Variants in SEMA5B observed in about 807,000 individuals in gnomAD.
SEMA5B encodes semaphorin-5B.
SEMA5B carries 66 observed loss-of-function variants against 135.0 expected under a neutral mutation model. The ratio of observed to expected loss-of-function variants is 0.49; its 90% CI spans 0.40 to 0.60. The LOEUF (loss-of-function observed/expected upper bound fraction) is 0.60, where lower values mean the gene tolerates loss of function less well. Among genes scored for constraint, SEMA5B ranks in the 20% least tolerant of loss-of-function variants. The pLI is 0.00. For synonymous variants in SEMA5B, 690 were observed against 639.5 expected (o/e 1.08, Z -1.19); for missense variants, 1,501 against 1,566.3 (o/e 0.96, Z 0.70).
chr3:122,953,110 A>G (rs368478556), intron 2 of SEMA5B, among the ~76,000 whole-genome samples: 1 of 152,138 alleles, frequency 6.6e-6, no homozygotes, highest in Admixed American at 6.5e-5. Context: ...GGGATACTCA[A>G]TGCATATGCA....
At chr3:123,009,314 C>T (rs2107787795) in intron 1 of SEMA5B, among the ~76,000 whole-genome samples, 1 of 152,132 alleles carries the variant, frequency 6.6e-6, no homozygotes, top group South Asian at 2.1e-4. Flanking sequence ...GTGGGGGTGT[C>T]TTTAGGCGAG....
intron 2 of SEMA5B, among the ~76,000 whole-genome samples, chr3:122,954,614 G>A (rs1576363225): frequency 6.6e-6 from 1 of 152,202 alleles, no homozygotes; most frequent in African/African-American, 2.4e-5. Flanking sequence ...ACAGGGACGT[G>A]CTCTAAGAGG....
chr3:122,963,492 C>CAAAAA (rs71136598), intron 1 of SEMA5B, among the ~76,000 whole-genome samples: 8 of 121,750 alleles, frequency 6.6e-5, no homozygotes, highest in East Asian at 2.4e-4. Flanking sequence ...GTCTCTGACT[C>CAAAAA]AAAAAAAAAA....
At chr3:122,994,486 G>A (rs1035511572) in intron 1 of SEMA5B, among the ~76,000 whole-genome samples, 6 of 152,164 alleles carry the variant, frequency 3.9e-5, no homozygotes, top group African/African-American at 1.2e-4. Context: ...TCCTTCCTAC[G>A]TTTCCCTGCC....
At chr3:122,976,572 A>G (rs1941326828) in intron 1 of SEMA5B, among the ~76,000 whole-genome samples, 1 of 152,160 alleles carries the variant, frequency 6.6e-6, no homozygotes, top group Non-Finnish European at 1.5e-5. Context: ...AACATACAAA[A>G]CAGTTAAAAG....
chr3:122,981,416 C>T (rs1159161659), intron 1 of SEMA5B, among the ~76,000 whole-genome samples: 2 of 152,336 alleles, frequency 1.3e-5, no homozygotes, highest in East Asian at 1.9e-4. Context: ...TCATGTGTGG[C>T]CAGGCGAATT....
At chr3:122,947,067 G>A (rs1036997431) in intron 3 of SEMA5B, among the ~76,000 whole-genome samples, 1 of 151,250 alleles carries the variant, frequency 6.6e-6, no homozygotes, top group African/African-American at 2.4e-5. Flanking sequence ...AGCCAATATT[G>A]CCCCCAACAA....
At position 122,913,993 on chromosome 3, in the gene SEMA5B, G is replaced by A. The variant is rs146618662; in HGVS notation, c.1997C>T (p.Ala666Val). 6.7e-5 allele frequency: 106 copies of A among 1,591,522 alleles called. 1 individual carries two copies. In the African/African-American group the frequency reaches 1.3e-3, roughly 19 times the overall value. Residue 666 changes from alanine to valine, a missense_variant, in exon 15 of 23, where the codon GCG becomes GTG. Transcript: ENST00000357599. ...CGCCCACGATGACCACGGGGTCCAC[G>A]CCCCATTCCTGGCGGGGTGGGAGGG... Reference protein sequence around the residue: ...IHIANCSRNGAWTPWSSWALC... With the variant: ...IHIANCSRNGVWTPWSSWALC...
chr3:123,015,709 C>A (rs1220491879), intron 1 of SEMA5B, among the ~76,000 whole-genome samples: 2 of 152,118 alleles, frequency 1.3e-5, no homozygotes, highest in Non-Finnish European at 2.9e-5. Context: ...GGCATTGTCA[C>A]CCAAAACATC....
At chr3:123,027,198 C>A (rs1942823348) in intron 1 of SEMA5B, 1 of 152,580 alleles carries the variant, frequency 6.6e-6, no homozygotes, top group Non-Finnish European at 1.5e-5. Context: ...CGACCACAGC[C>A]CTGGCAGGGC....
intron 2 of SEMA5B, among the ~76,000 whole-genome samples, chr3:122,957,990 C>T (rs774104313): frequency 1.1e-4 from 17 of 152,226 alleles, no homozygotes; most frequent in Non-Finnish European, 2.1e-4. Context: ...TGACTTCCTG[C>T]TGCACACCAG....
chr3:122,924,974 G>A (rs537652934), intron 9 of SEMA5B, among the ~76,000 whole-genome samples: 18 of 152,210 alleles, frequency 1.2e-4, no homozygotes, highest in African/African-American at 3.1e-4. Context: ...TTGTGACGCC[G>A]CACCCCTACC....
chr3:122,925,122 C>G (rs887664723), intron 9 of SEMA5B, among the ~76,000 whole-genome samples: 2 of 152,180 alleles, frequency 1.3e-5, no homozygotes, highest in African/African-American at 4.8e-5. Flanking sequence ...TTTCCTATAG[C>G]TAGCCTGGCC....
chr3:122,970,647 A>T (rs748181502), intron 1 of SEMA5B, among the ~76,000 whole-genome samples: 8 of 152,250 alleles, frequency 5.3e-5, no homozygotes, highest in Non-Finnish European at 1.0e-4. Flanking sequence ...CATCTATTAA[A>T]TGGCAAATAT....
intron 1 of SEMA5B, among the ~76,000 whole-genome samples, chr3:123,012,242 T>A (rs1210982705): frequency 6.6e-6 from 1 of 152,202 alleles, no homozygotes; most frequent in Non-Finnish European, 1.5e-5. Flanking sequence ...TACATGGTAG[T>A]TGTTATTTGA....
intron 1 of SEMA5B, among the ~76,000 whole-genome samples, chr3:123,020,851 G>GT (rs1942658386): frequency 6.6e-6 from 1 of 152,214 alleles, no homozygotes; most frequent in South Asian, 2.1e-4. Context: ...GTATACAGAG[G>GT]TAGACTTGAG....
chr3:122,985,694 TGGAATCTTGCG>T (rs1261833427), intron 1 of SEMA5B, among the ~76,000 whole-genome samples: 2 of 152,074 alleles, frequency 1.3e-5, no homozygotes, highest in African/African-American at 4.8e-5. Flanking sequence ...TGCAGATAGC[TGGAATCTTGCG>T]GGAGGAGGTG....
intron 3 of SEMA5B, among the ~76,000 whole-genome samples, chr3:122,944,448 G>A (rs1391791866): frequency 2.0e-5 from 3 of 152,164 alleles, no homozygotes; most frequent in Non-Finnish European, 4.4e-5. Flanking sequence ...TTGCCCTGGG[G>A]GCCAAGAAAG....
chr3:123,003,834 CAATAAATAAATA>C (rs10571905), intron 1 of SEMA5B, among the ~76,000 whole-genome samples: 2 of 146,590 alleles, frequency 1.4e-5, no homozygotes, highest in African/African-American at 2.6e-5. Context: ...ACTCTTATCT[CAATAAATAAATA>C]AATAAATAAA....
Sources: allele counts gnomAD v4.1 joint callset (sites outside exome capture counted in the v4.1 genomes callset), GRCh38; gene constraint gnomAD v4.1.1; transcripts MANE v1.5; gene names NCBI Gene and HGNC (gene_info 2026-07-23, HGNC 2026-07-21).